The following FBXO42 variants were observed in gnomAD, a reference collection of about 807,000 sequenced individuals.
FBXO42 encodes the protein F-box only protein 42.
In FBXO42, 12 loss-of-function variants were observed where a neutral mutation model predicts 71.7. The ratio of observed to expected loss-of-function variants is 0.17; its 90% confidence interval spans 0.11 to 0.27. The LOEUF (loss-of-function observed/expected upper bound fraction) is 0.27, where lower values mean the gene tolerates loss of function less well. FBXO42 is among the 10% of genes least tolerant of loss of function. The pLI is 1.00. For synonymous variants in FBXO42, 325 were observed against 327.5 expected (o/e 0.99, Z 0.08); for missense variants, 707 against 911.9 (o/e 0.78, Z 2.89).
At chr1:16,291,537 T>G (rs747453998) in intron 4 of FBXO42, among the ~76,000 whole-genome samples, 71 of 152,084 alleles carry the variant, frequency 4.7e-4, no homozygotes, top group Admixed American at 2.3e-3. Context: ...CATGCCACCA[T>G]GCCCTGCTAA....
In FBXO42 at chr1:16,305,855, C is replaced by T; in HGVS notation, c.315G>A (p.Glu105=). ...KAVQEGNIQW[E]SRTYPYPGTP... ...TTCCAGGATAAGGATAGGTACGGCT[C>T]TCCCACTGAATGTTTCCTTCCTGGA... Residue 105 remains glutamate (E), a synonymous_variant, in exon 3 of 10, where the codon GAG becomes GAA. Transcript: ENST00000375592. 1 of 1,614,162 alleles carries T rather than the reference C, an allele frequency of 6.2e-7. No homozygotes were observed. The highest frequency in any genetic ancestry group is 8.5e-7 in the Non-Finnish European group (1 of 1,180,024).
At chr1:16,282,235 CT>C (rs887782366) in intron 4 of FBXO42, among the ~76,000 whole-genome samples, 1 of 105,722 alleles carries the variant, frequency 9.5e-6, no homozygotes, top group Admixed American at 9.6e-5. Flanking sequence ...TTTTTTTTTT[CT>C]TTTTTTTGAG....
chr1:16,333,446 C>CCG (rs571937358), intron 1 of FBXO42, among the ~76,000 whole-genome samples: 22,114 of 140,668 alleles, frequency 0.16, 2,289 homozygotes, highest in Non-Finnish European at 0.2. Context: ...ACCCCCCCCC[C>CCG]CCATTTCCAA....
At chr1:16,294,650 A>G (rs2082110808) in intron 4 of FBXO42, 133 bp downstream of exon 4, 1 of 820,904 alleles carries the variant, frequency 1.2e-6, no homozygotes, top group African/African-American at 1.7e-5. Context: ...TATCATTTAC[A>G]TGGCACATTA....
chr1:16,289,816 C>A (rs946372447), intron 4 of FBXO42, among the ~76,000 whole-genome samples: 1 of 151,956 alleles, frequency 6.6e-6, no homozygotes, highest in African/African-American at 2.4e-5. Context: ...CGTTTGTATT[C>A]GCAGCTACTC....
intron 1 of FBXO42, among the ~76,000 whole-genome samples, chr1:16,343,096 A>G (rs548072944): frequency 6.6e-6 from 1 of 152,302 alleles, no homozygotes; most frequent in African/African-American, 2.4e-5. Context: ...CAGAAACACA[A>G]AATGGACTAA....
intron 2 of FBXO42, among the ~76,000 whole-genome samples, chr1:16,309,377 A>G (rs2082289353): frequency 6.6e-6 from 1 of 151,338 alleles, no homozygotes; most frequent in African/African-American, 2.4e-5. Context: ...GCGCCTGGCC[A>G]ACCCCATCTC....
intron 1 of FBXO42, among the ~76,000 whole-genome samples, chr1:16,335,025 A>C (rs1385327912): frequency 2.9e-5 from 4 of 137,018 alleles, no homozygotes; most frequent in Non-Finnish European, 6.1e-5. Context: ...CCAAGAGTTC[A>C]ACACCAGCCC....
At chr1:16,264,176 G>A (rs905657004) in intron 4 of FBXO42, among the ~76,000 whole-genome samples, 1 of 152,110 alleles carries the variant, frequency 6.6e-6, no homozygotes, top group African/African-American at 2.4e-5. Flanking sequence ...AGAACTGCCC[G>A]AATGTGCATG....
At chr1:16,291,619 T>C (rs2082080294) in intron 4 of FBXO42, among the ~76,000 whole-genome samples, 1 of 151,140 alleles carries the variant, frequency 6.6e-6, no homozygotes, top group South Asian at 2.1e-4. Context: ...TGGCCTCAAG[T>C]GATCCTCTCA....
At chr1:16,350,440 T>G (rs965252036) in intron 1 of FBXO42, among the ~76,000 whole-genome samples, 1 of 151,508 alleles carries the variant, frequency 6.6e-6, no homozygotes, top group Non-Finnish European at 1.5e-5. Flanking sequence ...TATGGAAAAG[T>G]CTTTGATTTA....
At position 16,277,929 on chromosome 1, in the gene FBXO42, C is replaced by T. The variant is rs1386066994; in HGVS notation, c.502+16854G>A. ...TGGTGGCATATGTCTATAGTCCCAG[C>T]TACTAGGGAGGCTGAGGCAGGAGGA... On this transcript the variant is annotated intron_variant, in intron 4 of 9. Transcript: ENST00000375592. Among the ~76,000 whole-genome samples the T allele has an allele frequency of 2.6e-5, 4 of 152,052 alleles. No homozygotes were observed. The East Asian group carries it at 5.8e-4, about 22-fold the overall frequency.
chr1:16,338,783 G>C (rs2082576240), intron 1 of FBXO42, among the ~76,000 whole-genome samples: 1 of 142,940 alleles, frequency 7.0e-6, no homozygotes, highest in Admixed American at 7.2e-5. Context: ...TGATGGAATG[G>C]AACATTTTAT....
intron 1 of FBXO42, among the ~76,000 whole-genome samples, chr1:16,346,506 GT>G (rs2082655581): frequency 6.6e-6 from 1 of 151,892 alleles, no homozygotes; most frequent in South Asian, 2.1e-4. Flanking sequence ...GGCTAACACA[GT>G]GAAACCCCGT....
chr1:16,316,591 CAGG>C (rs1381070893), intron 1 of FBXO42, among the ~76,000 whole-genome samples: 1 of 151,376 alleles, frequency 6.6e-6, no homozygotes, highest in Non-Finnish European at 1.5e-5. Context: ...AAAAATTAGC[CAGG>C]TGTAGTGGCG....
At chr1:16,330,911 C>T (rs144498505) in intron 1 of FBXO42, among the ~76,000 whole-genome samples, 2,604 of 151,578 alleles carry the variant, frequency 0.017, 72 homozygotes, top group African/African-American at 0.059. Context: ...CATTGCACTC[C>T]AGCCTGAGCA....
chr1:16,324,310 CAG>C (rs532444708), intron 1 of FBXO42, among the ~76,000 whole-genome samples: 284 of 152,244 alleles, frequency 1.9e-3, no homozygotes, highest in Non-Finnish European at 2.4e-3. Context: ...AGATCCCACA[CAG>C]GGTACAAAAA....
chr1:16,346,251 C>A (rs1034943438), intron 1 of FBXO42, among the ~76,000 whole-genome samples: 1 of 152,088 alleles, frequency 6.6e-6, no homozygotes, highest in Non-Finnish European at 1.5e-5. Context: ...TTTGAAAGTG[C>A]GTTTACCCCC....
intron 4 of FBXO42, among the ~76,000 whole-genome samples, chr1:16,274,119 G>A (rs924655043): frequency 6.6e-6 from 1 of 151,768 alleles, no homozygotes; most frequent in Admixed American, 6.6e-5. Context: ...AGACCAGGCT[G>A]GGAGACATAG....
Sources: allele counts gnomAD v4.1 joint callset (sites outside exome capture counted in the v4.1 genomes callset), GRCh38; gene constraint gnomAD v4.1.1; transcripts MANE v1.5; gene names NCBI Gene and HGNC (gene_info 2026-07-23, HGNC 2026-07-21).